The following NTF3 variants were observed in gnomAD, a reference collection of about 807,000 sequenced individuals.
The protein encoded by NTF3 is neurotrophin-3.
In NTF3, 8 loss-of-function variants were observed where a neutral mutation model predicts 26.3. The ratio of observed to expected loss-of-function variants is 0.30; its 90% CI spans 0.18 to 0.55. The LOEUF (loss-of-function observed/expected upper bound fraction) is 0.55, where lower values mean the gene tolerates loss of function less well. NTF3 is among the 20% of genes least tolerant of loss of function. The probability of loss-of-function intolerance (pLI) is 0.93; values close to 1 mark genes in which losing one functional copy is unlikely to be tolerated. For synonymous variants in NTF3, 154 were observed against 145.5 expected (o/e 1.06, Z -0.42); for missense variants, 276 against 352.9 (o/e 0.78, Z 1.75).
rs1336800387 is a variant in NTF3, at chr12:5,486,778, C to T, written c.19-7416C>T. 2.0e-5 allele frequency among the ~76,000 whole-genome samples: 3 copies of T among 151,986 alleles called. 1 individual carries two copies. Among genetic ancestry groups the T allele is most frequent in the South Asian group, 4.2e-4 (2 of 4,802 alleles). On this transcript the variant is annotated intron_variant, in intron 1 of 1. Coordinates refer to ENST00000423158, the MANE Select transcript of NTF3 (RefSeq NM_001102654.2). ...ATACCAAAATTGAAATGTTTCTGAA[C>T]GTTAAATGATTCAATAATTTGAAAA...
chr12:5,493,520 A>G (rs1940964543), intron 1 of NTF3, among the ~76,000 whole-genome samples: 1 of 152,164 alleles, frequency 6.6e-6, no homozygotes, highest in Non-Finnish European at 1.5e-5. Flanking sequence ...GGAGCAGATC[A>G]GTTGGTGATG....
chr12:5,469,180 T>C (rs1940633301), intron 1 of NTF3, among the ~76,000 whole-genome samples: 1 of 152,036 alleles, frequency 6.6e-6, no homozygotes, highest in South Asian at 2.1e-4. Flanking sequence ...CAGAAAATTA[T>C]GGCAAGTTGT....
At chr12:5,473,967 C>T (rs1176592090) in intron 1 of NTF3, among the ~76,000 whole-genome samples, 2 of 152,118 alleles carry the variant, frequency 1.3e-5, no homozygotes, top group African/African-American at 4.8e-5. Flanking sequence ...TCTGATTCAC[C>T]CTAGTTGGTC....
In NTF3 at chr12:5,490,389, A is replaced by C. The variant is rs556492738; in HGVS notation, c.19-3805A>C. Among the ~76,000 whole-genome samples the C allele has an allele frequency of 3.2e-4, 48 of 152,342 alleles. 1 individual carries two copies. The South Asian group carries it at 9.8e-3, about 31-fold the overall frequency. On this transcript the variant is annotated intron_variant, in intron 1 of 1. Coordinates refer to ENST00000423158, the MANE Select transcript of NTF3 (RefSeq NM_001102654.2). ...GACATGGTCCCTGTCGTCAAAGAGA[A>C]GGCACACCAACAATAATAGCACAAT...
chr12:5,470,116 G>A (rs1463673832), intron 1 of NTF3, among the ~76,000 whole-genome samples: 2 of 152,106 alleles, frequency 1.3e-5, no homozygotes, highest in Non-Finnish European at 2.9e-5. Flanking sequence ...AGTAGAGATG[G>A]GGATTCACGG....
At chr12:5,453,123 G>T (rs1940396445) in intron 1 of NTF3, among the ~76,000 whole-genome samples, 1 of 152,218 alleles carries the variant, frequency 6.6e-6, no homozygotes, top group South Asian at 2.1e-4. Flanking sequence ...CATGTAGAAT[G>T]CTTAGAACAA....
intron 1 of NTF3, among the ~76,000 whole-genome samples, chr12:5,452,223 G>A (rs902649897): frequency 2.0e-5 from 3 of 151,612 alleles, no homozygotes; most frequent in Non-Finnish European, 4.4e-5. Context: ...AGCCTCCCGA[G>A]TAGCTGGGAC....
intron 1 of NTF3, among the ~76,000 whole-genome samples, chr12:5,477,303 GA>G (rs1940736771): frequency 6.6e-6 from 1 of 152,042 alleles, no homozygotes; most frequent in South Asian, 2.1e-4. Flanking sequence ...TTATGAAGTG[GA>G]ATAATACACA....
intron 1 of NTF3, among the ~76,000 whole-genome samples, chr12:5,452,144 G>A (rs1490654198): frequency 1.4e-5 from 2 of 146,554 alleles, no homozygotes; most frequent in African/African-American, 5.1e-5. Flanking sequence ...TTGCCGGGCT[G>A]GAAGGCAGTG....
chr12:5,462,115 G>T (rs1172358713), intron 1 of NTF3, among the ~76,000 whole-genome samples: 1 of 152,196 alleles, frequency 6.6e-6, no homozygotes, highest in East Asian at 1.9e-4. Context: ...TTTTCCTACA[G>T]TAGGCATCAC....
intron 1 of NTF3, among the ~76,000 whole-genome samples, chr12:5,460,335 A>T (rs890150128): frequency 6.6e-6 from 1 of 152,134 alleles, no homozygotes; most frequent in Non-Finnish European, 1.5e-5. Flanking sequence ...CCTGTGCTCC[A>T]CCTGCCCATC....
intron 1 of NTF3, among the ~76,000 whole-genome samples, chr12:5,482,244 G>C (rs1489895149): frequency 6.6e-6 from 1 of 152,214 alleles, no homozygotes; most frequent in East Asian, 1.9e-4. Flanking sequence ...TAGCCCTCCT[G>C]TCCCAGCCTG....
intron 1 of NTF3, among the ~76,000 whole-genome samples, chr12:5,445,831 CACTT>C (rs2121157492): frequency 6.6e-6 from 1 of 152,292 alleles, no homozygotes; most frequent in African/African-American, 2.4e-5. Context: ...GAGAACTCCT[CACTT>C]AGTTAAGGAA....
At chr12:5,454,899 G>T (rs915593811) in intron 1 of NTF3, among the ~76,000 whole-genome samples, 4 of 152,158 alleles carry the variant, frequency 2.6e-5, no homozygotes, top group African/African-American at 7.2e-5. Context: ...AGGCTGCTTG[G>T]CAGCCAGGAG....
chr12:5,474,130 T>A (rs554047153), intron 1 of NTF3, among the ~76,000 whole-genome samples: 1 of 152,346 alleles, frequency 6.6e-6, no homozygotes, highest in East Asian at 1.9e-4. Context: ...GACAAAAGCA[T>A]ATTTCAGGCT....
chr12:5,479,292 A>G (rs1418784886), intron 1 of NTF3, among the ~76,000 whole-genome samples: 2 of 152,252 alleles, frequency 1.3e-5, no homozygotes, highest in Non-Finnish European at 2.9e-5. Context: ...CCATCTCCCT[A>G]GTCAAGAGGA....
chr12:5,446,905 C>T (rs11063682), intron 1 of NTF3, among the ~76,000 whole-genome samples: 4 of 152,158 alleles, frequency 2.6e-5, no homozygotes, highest in African/African-American at 7.2e-5. Context: ...CGACCTGATG[C>T]GAGAACCGGA....
intron 1 of NTF3, among the ~76,000 whole-genome samples, chr12:5,460,767 C>T (rs550069346): frequency 6.6e-6 from 1 of 152,342 alleles, no homozygotes; most frequent in East Asian, 1.9e-4. Context: ...TCAGAACCAG[C>T]AGCTCTGTAA....
At chr12:5,491,950 G>A (rs1039666730) in intron 1 of NTF3, among the ~76,000 whole-genome samples, 9 of 151,580 alleles carry the variant, frequency 5.9e-5, no homozygotes, top group African/African-American at 1.7e-4. Flanking sequence ...TCCTGACCTC[G>A]TGATCCACCC....
Sources: allele counts gnomAD v4.1 joint callset (sites outside exome capture counted in the v4.1 genomes callset), GRCh38; gene constraint gnomAD v4.1.1; transcripts MANE v1.5; gene names NCBI Gene and HGNC (gene_info 2026-07-23, HGNC 2026-07-21).